Variants in ATF7IP2 observed in about 807,000 individuals in gnomAD.
ATF7IP2 encodes activating transcription factor 7-interacting protein 2.
In ATF7IP2, 42 loss-of-function variants were observed where a neutral mutation model predicts 64.2. The observed-to-expected ratio is 0.65, with a 90% CI of 0.51 to 0.85. The LOEUF (loss-of-function observed/expected upper bound fraction) is 0.85, where lower values mean the gene tolerates loss of function less well. Among genes scored for constraint, ATF7IP2 ranks in the 40% least tolerant of loss-of-function variants. ATF7IP2 has a pLI of 0.00. For synonymous variants in ATF7IP2, 308 were observed against 272.8 expected (o/e 1.13, Z -1.27); for missense variants, 933 against 784.2 (o/e 1.19, Z -2.27).
intron 8 of ATF7IP2, chr16:10,448,077 G>C (rs935225766): frequency 6.6e-6 from 1 of 152,210 alleles, no homozygotes; most frequent in Non-Finnish European, 1.5e-5. Context: ...AGATCAGATG[G>C]TTGTAGATAG....
At chr16:10,437,980 A>C in intron 6 of ATF7IP2, 121 bp from the exon 7 acceptor site, 1 of 692,360 alleles carries the variant, frequency 1.4e-6, no homozygotes, top group Non-Finnish European at 2.1e-6. Flanking sequence ...TACAAATATA[A>C]ATAAACTATA....
chr16:10,443,003 G>A (rs543077370), intron 8 of ATF7IP2, among the ~76,000 whole-genome samples: 44 of 152,214 alleles, frequency 2.9e-4, no homozygotes, highest in African/African-American at 7.0e-4. Context: ...TCAAAAGATC[G>A]TGAGGGGCCT....
chr16:10,423,414 G>A (rs1287844667), intron 3 of ATF7IP2, among the ~76,000 whole-genome samples: 1 of 152,270 alleles, frequency 6.6e-6, no homozygotes, highest in East Asian at 1.9e-4. Context: ...AAAGGAAAAG[G>A]CTCAAACGTA....
chr16:10,431,600 A>G, intron 5 of ATF7IP2, 145 bp downstream of exon 5: 1 of 572,026 alleles, frequency 1.7e-6, no homozygotes, highest in Non-Finnish European at 3.0e-6. Context: ...TTTCTGAACC[A>G]TTCTTAGTGA....
chr16:10,409,156 A>T lies in ATF7IP2; in HGVS notation c.-241-5418A>T, dbSNP rs1420709827. On this transcript the variant is annotated intron_variant, in intron 1 of 13. Coordinates refer to ENST00000562102, the MANE Select transcript of ATF7IP2 (RefSeq NM_001393719.1). ...AGACTGCACATTCTAAGTTGACCTG[A>T]TTGGCTATTTGTGGATATTTTCCCA... Among the ~76,000 whole-genome samples the T allele has an allele frequency of 3.3e-5, 5 of 152,062 alleles. 1 individual carries two copies. Among genetic ancestry groups the T allele is most frequent in the Admixed American group, 3.3e-4 (5 of 15,276 alleles).
At chr16:10,398,985 T>C (rs1466275751) in intron 1 of ATF7IP2, among the ~76,000 whole-genome samples, 1 of 152,052 alleles carries the variant, frequency 6.6e-6, no homozygotes. Context: ...TGGTGGTGCA[T>C]GCCTGTAATC....
At chr16:10,412,006 T>C in intron 1 of ATF7IP2, among the ~76,000 whole-genome samples, 1 of 107,328 alleles carries the variant, frequency 9.3e-6, no homozygotes. Flanking sequence ...ATTTATCTTT[T>C]TTTGTTTTTT....
At chr16:10,452,920 C>A (rs1329178548) in intron 8 of ATF7IP2, among the ~76,000 whole-genome samples, 1 of 152,142 alleles carries the variant, frequency 6.6e-6, no homozygotes, top group African/African-American at 2.4e-5. Flanking sequence ...CAGCAATGGT[C>A]AATGCCCCTC....
intron 9 of ATF7IP2, among the ~76,000 whole-genome samples, chr16:10,467,253 T>G (rs2049608961): frequency 1.3e-5 from 2 of 152,160 alleles, no homozygotes; most frequent in African/African-American, 4.8e-5. Flanking sequence ...ATTTACCTCA[T>G]AAATACAATG....
intron 12 of ATF7IP2, among the ~76,000 whole-genome samples, chr16:10,479,667 AAAGT>A (rs2050144427): frequency 1.3e-5 from 2 of 152,102 alleles, no homozygotes; most frequent in African/African-American, 2.4e-5. Flanking sequence ...TTAAAAAAAA[AAAGT>A]GGGCAAAGGA....
chr16:10,432,078 C>A (rs1443292908), intron 5 of ATF7IP2, among the ~76,000 whole-genome samples: 1 of 148,876 alleles, frequency 6.7e-6, no homozygotes, highest in Non-Finnish European at 1.5e-5. Context: ...ACCTCGTGAT[C>A]CACCCGCCTT....
intron 3 of ATF7IP2, among the ~76,000 whole-genome samples, chr16:10,424,255 G>A (rs2048041698): frequency 6.6e-6 from 1 of 152,176 alleles, no homozygotes; most frequent in African/African-American, 2.4e-5. Context: ...GCCATCACGA[G>A]CCTGTCACAC....
intron 8 of ATF7IP2, chr16:10,454,325 G>T (rs190496518): frequency 7.3e-6 from 1 of 137,868 alleles, no homozygotes; most frequent in East Asian, 2.1e-4. Flanking sequence ...CAGGAGAATC[G>T]CTTGAACCTG....
At position 10,472,198 on chromosome 16, in the gene ATF7IP2, AT is replaced by A; in HGVS notation, c.1426+17del. The A allele has an allele frequency of 1.4e-6, 2 of 1,418,268 alleles. No individual in the cohort carries two copies. The highest frequency in any genetic ancestry group is 1.9e-6 in the Non-Finnish European group (2 of 1,028,038). The allele number at this position is 1,418,268 out of a possible 1,614,324, so 87.9% of individuals were successfully genotyped here. A position where few individuals can be genotyped will look rare whatever the true frequency, so the allele number is the denominator to read the frequency against. On this transcript the variant is annotated intron_variant, in intron 10 of 13. Transcript: ENST00000562102. ...AAATCCAACAGGTATCTTATAGCTG[AT>A]TAGAATATGATCTATCAAGTTAGAA...
intron 11 of ATF7IP2, 32 bp downstream of exon 11, chr16:10,473,566 T>G: frequency 2.8e-6 from 4 of 1,423,458 alleles, no homozygotes; most frequent in South Asian, 1.2e-5. Context: ...TGAATATTGT[T>G]TATTTAAATA....
At chr16:10,405,888 TTCATAACCAG>T (rs1480605831) in intron 1 of ATF7IP2, among the ~76,000 whole-genome samples, 2 of 152,010 alleles carry the variant, frequency 1.3e-5, no homozygotes, top group East Asian at 3.9e-4. Context: ...AAGTCAGGAG[TTCATAACCAG>T]CCTGACCAAC....
chr16:10,392,492 A>G (rs965038993), intron 1 of ATF7IP2, among the ~76,000 whole-genome samples: 1 of 151,806 alleles, frequency 6.6e-6, no homozygotes, highest in Non-Finnish European at 1.5e-5. Flanking sequence ...AACCTTTACC[A>G]CTAAGTTAAC....
chr16:10,426,369 G>C (rs1359186598), intron 3 of ATF7IP2, among the ~76,000 whole-genome samples: 3 of 152,174 alleles, frequency 2.0e-5, no homozygotes, highest in African/African-American at 7.2e-5. Context: ...AAACTATATA[G>C]TTAGAAATAT....
intron 12 of ATF7IP2, among the ~76,000 whole-genome samples, chr16:10,475,458 G>A (rs1043783701): frequency 9.9e-5 from 15 of 152,072 alleles, no homozygotes; most frequent in Admixed American, 5.9e-4. Context: ...TTGGGAGGCC[G>A]AGACGGGCAG....
Sources: allele counts gnomAD v4.1 joint callset (sites outside exome capture counted in the v4.1 genomes callset), GRCh38; gene constraint gnomAD v4.1.1; transcripts MANE v1.5; gene names NCBI Gene and HGNC (gene_info 2026-07-23, HGNC 2026-07-21).